The following PTPRQ variants were observed in gnomAD, a reference collection of about 807,000 sequenced individuals.
PTPRQ encodes the protein protein tyrosine phosphatase receptor type Q, also known as phosphatidylinositol phosphatase PTPRQ.
Under a neutral mutation model 246.0 loss-of-function variants are expected in PTPRQ, and 199 were observed. That is an observed-to-expected ratio of 0.81 (90% CI 0.72 to 0.91). The LOEUF (loss-of-function observed/expected upper bound fraction) is 0.91. Among genes scored for constraint, PTPRQ ranks in the 40% least tolerant of loss-of-function variants. The probability of loss-of-function intolerance (pLI) is 0.00; values close to 1 mark genes in which losing one functional copy is unlikely to be tolerated. For synonymous variants in PTPRQ, 869 were observed against 853.2 expected, an observed-to-expected ratio of 1.02 and a Z score of -0.32; for missense variants, 2,624 against 2,528.4, an observed-to-expected ratio of 1.04 and a Z score of -0.81.
chr12:80,467,069 C>A (rs558963540), intron 6 of PTPRQ, among the ~76,000 whole-genome samples: 1 of 152,174 alleles, frequency 6.6e-6, no homozygotes, highest in Non-Finnish European at 1.5e-5. Flanking sequence ...AGTGAACAGG[C>A]AACCTTCAGA....
At chr12:80,480,568 A>C (rs1229396216) in intron 8 of PTPRQ, among the ~76,000 whole-genome samples, 1 of 147,024 alleles carries the variant, frequency 6.8e-6, no homozygotes, top group Admixed American at 6.8e-5. Context: ...CCCTTCAAAA[A>C]ATCAATGAAT....
chr12:80,648,944 C>A (rs1423948408), intron 36 of PTPRQ, 21 bp downstream of exon 36: 2 of 1,494,990 alleles, frequency 1.3e-6, no homozygotes, highest in Admixed American at 2.4e-5. Context: ...TAAATATTTT[C>A]TTTCTTCTTT....
intron 42 of PTPRQ, 146 bp from the exon 43 acceptor site, chr12:80,673,023 A>C: frequency 8.3e-7 from 1 of 1,205,612 alleles, no homozygotes. Context: ...ACCATAAAAA[A>C]TCCAAAGACA....
intron 17 of PTPRQ, 40 bp downstream of exon 17, chr12:80,510,483 A>G: frequency 6.7e-7 from 1 of 1,484,486 alleles, no homozygotes; most frequent in Non-Finnish European, 9.0e-7. Context: ...GAGAACAGAT[A>G]TTAATCTGTA....
chr12:80,634,477 A>T (rs1279410036), intron 34 of PTPRQ, among the ~76,000 whole-genome samples: 1 of 152,184 alleles, frequency 6.6e-6, no homozygotes, highest in Non-Finnish European at 1.5e-5. Flanking sequence ...TTTGAAAATA[A>T]TTTTTAAGTA....
chr12:80,522,372 C>T (rs1307364193), intron 17 of PTPRQ, among the ~76,000 whole-genome samples: 4 of 152,022 alleles, frequency 2.6e-5, no homozygotes, highest in Admixed American at 6.6e-5. Flanking sequence ...CCTGCCTAAT[C>T]GACCTGGCCA....
chr12:80,655,105 A>C (rs948431331), intron 38 of PTPRQ, among the ~76,000 whole-genome samples: 28 of 152,152 alleles, frequency 1.8e-4, no homozygotes, highest in Non-Finnish European at 2.9e-4. Context: ...GGATGAGAAG[A>C]GAATAAGAGT....
intron 26 of PTPRQ, among the ~76,000 whole-genome samples, chr12:80,592,921 G>T (rs879462660): frequency 2.0e-5 from 3 of 152,102 alleles, no homozygotes; most frequent in Admixed American, 6.5e-5. Context: ...TGAGGGAGGA[G>T]AATTGCTTGG....
intron 25 of PTPRQ, among the ~76,000 whole-genome samples, chr12:80,566,512 C>T (rs938356176): frequency 2.0e-5 from 3 of 152,064 alleles, no homozygotes; most frequent in African/African-American, 7.2e-5. Context: ...AGGTTCATTA[C>T]TAATTAAAAT....
intron 27 of PTPRQ, among the ~76,000 whole-genome samples, chr12:80,608,134 C>T (rs572682361): frequency 6.7e-6 from 1 of 149,934 alleles, no homozygotes; most frequent in South Asian, 2.1e-4. Context: ...AGGGTGGAGG[C>T]GGGGTAGGAA....
intron 3 of PTPRQ, among the ~76,000 whole-genome samples, chr12:80,447,430 T>C (rs1311359199): frequency 1.3e-5 from 2 of 152,066 alleles, no homozygotes; most frequent in Non-Finnish European, 2.9e-5. Flanking sequence ...ATTTTAGTTT[T>C]TGTTGCATTT....
chr12:80,539,694 G>A (rs768494931), intron 19 of PTPRQ, 82 bp from the exon 20 acceptor site: 10 of 1,098,766 alleles, frequency 9.1e-6, no homozygotes, highest in Middle Eastern at 3.1e-4. Context: ...TAGTAAAATC[G>A]ATCCATTGAT....
chr12:80,613,628 A>C lies in PTPRQ; in HGVS notation c.4955A>C (p.Lys1652Thr). 2.6e-6 allele frequency: 4 copies of C among 1,545,252 alleles called. 1 individual carries two copies. The South Asian group carries it at 3.6e-5, about 14-fold the overall frequency. Residue 1652 changes from lysine (K) to threonine (T), a missense_variant, in exon 29 of 45, where the codon AAG (lysine) becomes ACG (threonine). Transcript: ENST00000644991. Reference sequence around the variant, plus strand: ...CCACCTAACAACATGACATTTCAGAAGATACCAGATGAAGTTACAAAATTT... The same window carrying C: ...CCACCTAACAACATGACATTTCAGACGATACCAGATGAAGTTACAAAATTT... ...KDPPNNMTFQ[K>T]IPDEVTKFQL... is the part of the protein sequence containing the mutation.
At chr12:80,658,991 G>A (rs1461261836) in intron 39 of PTPRQ, among the ~76,000 whole-genome samples, 1 of 151,922 alleles carries the variant, frequency 6.6e-6, no homozygotes, top group East Asian at 1.9e-4. Context: ...GGAAAAAAAC[G>A]AATTAGTTCT....
At chr12:80,546,038 C>T (rs183630646) in intron 23 of PTPRQ, among the ~76,000 whole-genome samples, 4 of 152,182 alleles carry the variant, frequency 2.6e-5, no homozygotes, top group South Asian at 2.1e-4. Context: ...CAATTATACG[C>T]CAGGTGCAGT....
chr12:80,527,367 C>T (rs180675885), intron 17 of PTPRQ, among the ~76,000 whole-genome samples: 1 of 151,758 alleles, frequency 6.6e-6, no homozygotes, highest in East Asian at 1.9e-4. Context: ...AAAAATTGAC[C>T]CTTTTCCAAA....
chr12:80,625,557 G>A (rs879438914), intron 33 of PTPRQ, among the ~76,000 whole-genome samples: 4 of 152,038 alleles, frequency 2.6e-5, no homozygotes, highest in Non-Finnish European at 4.4e-5. Context: ...TTTAAAATTA[G>A]GGGCAAAAGA....
intron 25 of PTPRQ, among the ~76,000 whole-genome samples, chr12:80,575,010 A>G (rs558845513): frequency 2.6e-5 from 4 of 152,128 alleles, no homozygotes; most frequent in Admixed American, 6.5e-5. Context: ...TCCTTTTCCA[A>G]GTTCATACAT....
chr12:80,621,479 C>G (rs1297044006), intron 32 of PTPRQ, among the ~76,000 whole-genome samples: 1 of 151,860 alleles, frequency 6.6e-6, no homozygotes, highest in Non-Finnish European at 1.5e-5. Context: ...TCAATTGTCT[C>G]TGAGGATCTT....
Sources: allele counts gnomAD v4.1 joint callset (sites outside exome capture counted in the v4.1 genomes callset), GRCh38; gene constraint gnomAD v4.1.1; transcripts MANE v1.5; gene names NCBI Gene and HGNC (gene_info 2026-07-23, HGNC 2026-07-21).